RBM44: variants seen among roughly 807,000 people sequenced by gnomAD.
The protein encoded by RBM44 is RNA-binding protein 44.
In RBM44, 66 loss-of-function variants were observed where a neutral mutation model predicts 105.1. The observed-to-expected ratio is 0.63, with a 90% CI of 0.52 to 0.77. RBM44 has a LOEUF of 0.77. Among genes scored for constraint, RBM44 ranks in the 30% least tolerant of loss-of-function variants. RBM44 has a pLI of 0.00. For missense variants in RBM44, 1,122 were observed against 1,207.8 expected, an observed-to-expected ratio of 0.93 and a Z score of 1.05; for synonymous variants, 365 against 417.6, an observed-to-expected ratio of 0.87 and a Z score of 1.54.
In RBM44 at chr2:237,834,161, T is replaced by C; in HGVS notation, c.3032+19T>C. Reference sequence around the variant, plus strand: ...TCAGCAGGTAATAACCAAAATTATATTTTAACTGCTTTAAAACTTCTGTGT... The same window carrying C: ...TCAGCAGGTAATAACCAAAATTATACTTTAACTGCTTTAAAACTTCTGTGT... On this transcript the variant is annotated intron_variant, in intron 14 of 15. Transcript: ENST00000316997. The C allele has an allele frequency of 6.5e-7, 1 of 1,542,486 alleles. No homozygotes were observed. The highest frequency in any genetic ancestry group is 8.7e-7 in the Non-Finnish European group (1 of 1,143,738).
At chr2:237,813,963 G>A (rs2061685749) in intron 2 of RBM44, among the ~76,000 whole-genome samples, 2 of 152,036 alleles carry the variant, frequency 1.3e-5, no homozygotes, top group African/African-American at 4.8e-5. Context: ...CTGCCTTCAG[G>A]GTGATAATCA....
intron 15 of RBM44, among the ~76,000 whole-genome samples, chr2:237,835,732 T>C (rs1339002711): frequency 1.3e-5 from 2 of 151,676 alleles, no homozygotes; most frequent in Non-Finnish European, 2.9e-5. Context: ...AACAGAGGGT[T>C]GGTTAGTTCA....
At position 237,821,235 on chromosome 2, in the gene RBM44, T is replaced by G. The variant is rs2061784879; in HGVS notation, c.2078T>G (p.Phe693Cys). Reference protein sequence around the residue: ...LSLESKLLSTFSTFASRLMKK... With the variant: ...LSLESKLLSTCSTFASRLMKK... ...CTAGAATCAAAATTATTATCTACCT[T>G]CTCTACTTTTGCTTCCAGGGTATGT... Residue 693 changes from phenylalanine (F) to cysteine (C), a missense_variant, in exon 6 of 16, where the codon TTC becomes TGC. By Grantham distance (205) the Phe-to-Cys change is radical. Around this residue, in one of 3 missense-constraint regions of RBM44, gnomAD observed 918 missense variants for 955.3 expected, o/e 0.96. Transcript: ENST00000316997. The G allele has an allele frequency of 6.2e-7, 1 of 1,602,370 alleles. No individual in the cohort carries two copies. The highest frequency in any genetic ancestry group is 8.5e-7 in the Non-Finnish European group (1 of 1,173,918).
chr2:237,820,043 C>G, intron 4 of RBM44, 132 bp from the exon 5 acceptor site: 1 of 473,416 alleles, frequency 2.1e-6, no homozygotes, highest in Non-Finnish European at 3.7e-6. Flanking sequence ...CCTACAGCCT[C>G]TTCATCTTTA....
intron 8 of RBM44, among the ~76,000 whole-genome samples, chr2:237,823,180 C>T (rs1231407595): frequency 6.6e-6 from 1 of 151,846 alleles, no homozygotes; most frequent in African/African-American, 2.4e-5. Flanking sequence ...GTGTATGCCA[C>T]ACTTTGCCAA....
chr2:237,810,942 C>G (rs1417367432), intron 1 of RBM44, among the ~76,000 whole-genome samples: 1 of 152,018 alleles, frequency 6.6e-6, no homozygotes, highest in Non-Finnish European at 1.5e-5. Context: ...AGGAGCTGGC[C>G]CAAGTTTCTG....
In RBM44 at chr2:237,829,470, G is replaced by A. The variant is rs756429326; in HGVS notation, c.2854G>A (p.Glu952Lys). ...AACTAGGCCACGGCAGCTGGGTTCTGAGCAAGACAGTGAGGTTTTCCCTTC... is the reference window on the plus strand; with the variant it reads ...AACTAGGCCACGGCAGCTGGGTTCTAAGCAAGACAGTGAGGTTTTCCCTTC... ...PRTRPRQLGS[E>K]QDSEVFPSDQ... The change falls in exon 13 of 16, where the codon GAG becomes AAG. Residue 952 changes from glutamate (E) to lysine (K), a missense_variant. Physicochemically the swap from Glu to Lys is moderately conservative, Grantham distance 56. This residue lies in a region of RBM44 where 194 missense variants were observed against 225.5 expected (regional missense o/e 0.86). Coordinates refer to ENST00000316997, the MANE Select transcript of RBM44 (RefSeq NM_001080504.3). 1.5e-5 allele frequency: 24 copies of A among 1,613,240 alleles called. No homozygotes were observed. The highest frequency in any genetic ancestry group is 1.9e-5 in the Non-Finnish European group (23 of 1,179,594).
chr2:237,822,373 C>T (rs993044198), intron 8 of RBM44, among the ~76,000 whole-genome samples: 11 of 151,974 alleles, frequency 7.2e-5, no homozygotes, highest in African/African-American at 2.2e-4. Flanking sequence ...ATTTAATCTA[C>T]GTAAGAACAC....
Position 237,803,609 on chromosome 2 carries a change from A to G in RBM44, c.-19+4748A>G, listed in dbSNP as rs1176820859. Among the ~76,000 whole-genome samples the G allele has an allele frequency of 3.9e-5, 6 of 152,108 alleles. No homozygotes were observed. Among genetic ancestry groups the G allele is most frequent in the Non-Finnish European group, 8.8e-5 (6 of 68,018 alleles). On this transcript the variant is annotated intron_variant, in intron 1 of 15. Coordinates refer to ENST00000316997, the MANE Select transcript of RBM44 (RefSeq NM_001080504.3). This position sits in a 1 kb window ranked among gnomAD's most constrained non-coding sequence, Gnocchi z 4.2. ...TCCATTTTTTAAGTAATGTCTTTTG[A>G]TGAGGAAAAGTTTCTTAATTTTGCT... is the stretch of plus-strand genomic sequence containing the variant.
chr2:237,804,091 A>G (rs2061574983), intron 1 of RBM44, among the ~76,000 whole-genome samples: 1 of 152,056 alleles, frequency 6.6e-6, no homozygotes, highest in East Asian at 1.9e-4. Context: ...GCTGGTCTCA[A>G]ACTCCTGACC....
rs1201340081 is a variant in RBM44, at chr2:237,820,324, T to C, written c.1886T>C (p.Val629Ala). ...RRHCCDIYKL[V>A]MENREGLNMN... The stretch of plus-strand genomic sequence containing the variant: ...CATTGTTGTGATATTTACAAACTTG[T>C]CATGGAAAATAGGGAAGGATTAAAT... Residue 629 changes from valine to alanine, a missense_variant, in exon 5 of 16, where the codon GTC becomes GCC. This residue lies in a region of RBM44 where 918 missense variants were observed against 955.3 expected (regional missense o/e 0.96). Transcript: ENST00000316997. 1 of 1,594,448 alleles carries C rather than the reference T, an allele frequency of 6.3e-7. No homozygotes were observed. Among genetic ancestry groups the C allele is most frequent in the Admixed American group, 1.8e-5 (1 of 57,100 alleles).
At chr2:237,822,151 C>T (rs889095836) in intron 8 of RBM44, among the ~76,000 whole-genome samples, 7 of 151,978 alleles carry the variant, frequency 4.6e-5, no homozygotes, top group African/African-American at 1.7e-4. Flanking sequence ...AATTTAGTGC[C>T]ATCATCATGT....
intron 1 of RBM44, among the ~76,000 whole-genome samples, chr2:237,800,912 T>TG (rs1385810796): frequency 1.1e-4 from 17 of 152,114 alleles, no homozygotes; most frequent in Non-Finnish European, 2.2e-4. Flanking sequence ...AGAGACGGGT[T>TG]TTCACCGTGT....
chr2:237,803,274 G>A lies in RBM44; in HGVS notation c.-19+4413G>A, dbSNP rs929805219. 1.3e-5 allele frequency among the ~76,000 whole-genome samples: 2 copies of A among 148,848 alleles called. No individual in the cohort carries two copies. The highest frequency in any genetic ancestry group is 5.0e-5 in the African/African-American group (2 of 40,088). The stretch of plus-strand genomic sequence containing the variant: ...AGAGCGAGACACACACACACACACA[G>A]TCTCTCTGTCTCTGGGTGACAGAGC... On this transcript the variant is annotated intron_variant, in intron 1 of 15. Transcript: ENST00000316997. The surrounding 1 kb of genome is among the most constrained non-coding windows in gnomAD (Gnocchi z 4.2).
chr2:237,830,209 G>A (rs2061890180), intron 13 of RBM44, among the ~76,000 whole-genome samples: 1 of 152,066 alleles, frequency 6.6e-6, no homozygotes, highest in Non-Finnish European at 1.5e-5. Flanking sequence ...AGCCCTGTTA[G>A]CCTGGCTTCT....
intron 1 of RBM44, among the ~76,000 whole-genome samples, chr2:237,807,276 G>A (rs553796031): frequency 6.6e-6 from 1 of 152,224 alleles, no homozygotes; most frequent in South Asian, 2.1e-4. Context: ...AGCCTCCCTA[G>A]TAGCTGAGAT....
chr2:237,816,807 C>A (rs1467729757), intron 2 of RBM44, among the ~76,000 whole-genome samples, 186 bp from the exon 3 acceptor site: 1 of 152,108 alleles, frequency 6.6e-6, no homozygotes, highest in Non-Finnish European at 1.5e-5. Context: ...ATGGGTCTGG[C>A]CTTCAAGGCA....
At chr2:237,840,855 C>T (rs1004068321) in intron 15 of RBM44, among the ~76,000 whole-genome samples, 2 of 152,094 alleles carry the variant, frequency 1.3e-5, no homozygotes, top group African/African-American at 4.8e-5. Flanking sequence ...AAATGCAAGT[C>T]AAAACCACAA....
chr2:237,808,005 A>G (rs2061616257), intron 1 of RBM44, among the ~76,000 whole-genome samples: 1 of 152,200 alleles, frequency 6.6e-6, no homozygotes, highest in Admixed American at 6.5e-5. Context: ...ACAAGACATA[A>G]TGAGTCAGAA....
Sources: gnomAD v4.1 joint callset for allele counts (sites outside exome capture counted in the v4.1 genomes callset) on GRCh38, gnomAD v4.1.1 for gene constraint, gnomAD v4.1.1 regional missense constraint, Gnocchi (gnomAD v3.1) non-coding constraint, MANE v1.5 for transcripts, NCBI Gene and HGNC (gene_info 2026-07-23, HGNC 2026-07-21) for gene names.